Variants in SFI1 observed in about 807,000 individuals in gnomAD.
The protein encoded by SFI1 is protein SFI1 homolog.
Under a neutral mutation model 207.5 loss-of-function variants are expected in SFI1, and 195 were observed. That is an observed-to-expected ratio of 0.94 (90% CI 0.84 to 1.06). The LOEUF (loss-of-function observed/expected upper bound fraction) is 1.06. Ranked by LOEUF, SFI1 falls within the 50% of genes least tolerant of loss-of-function variation. The pLI is 0.00. For synonymous variants in SFI1, 630 were observed against 598.9 expected (o/e 1.05, Z -0.76); for missense variants, 1,634 against 1,588.0 (o/e 1.03, Z -0.49).
At chr22:31,594,422 C>T (rs1360578218) in intron 15 of SFI1, among the ~76,000 whole-genome samples, 1 of 151,652 alleles carries the variant, frequency 6.6e-6, no homozygotes, top group Admixed American at 6.6e-5. Flanking sequence ...GTGGCACATG[C>T]CTGTAATCCC....
chr22:31,502,529 A>G (rs1315767118), intron 1 of SFI1, among the ~76,000 whole-genome samples: 2 of 151,930 alleles, frequency 1.3e-5, no homozygotes, highest in African/African-American at 2.4e-5. Context: ...ACCTGCCACC[A>G]TGCCCGGCTA....
intron 1 of SFI1, among the ~76,000 whole-genome samples, chr22:31,497,056 T>G (rs974280537): frequency 2.0e-5 from 3 of 152,122 alleles, no homozygotes; most frequent in African/African-American, 7.2e-5. Context: ...GCGACCTTAC[T>G]CCCACTGAGC....
intron 1 of SFI1, among the ~76,000 whole-genome samples, chr22:31,501,755 G>T (rs755862482): frequency 2.0e-5 from 3 of 152,144 alleles, no homozygotes; most frequent in Non-Finnish European, 4.4e-5. Flanking sequence ...ATACATTTTT[G>T]ATTGTGTGGT....
At chr22:31,607,477 C>T (rs146720368) in intron 21 of SFI1, among the ~76,000 whole-genome samples, 4,548 of 151,836 alleles carry the variant, frequency 0.03, 146 homozygotes, top group Admixed American at 0.085. Context: ...GTGGTGCATG[C>T]CTGTAATCCC....
intron 3 of SFI1, among the ~76,000 whole-genome samples, chr22:31,530,036 G>A (rs1356664457): frequency 6.6e-6 from 1 of 150,664 alleles, no homozygotes; most frequent in East Asian, 2.0e-4. Context: ...TGGGCGTGGT[G>A]GCAGGTGCCT....
At chr22:31,542,166 C>T (rs1483966541) in intron 4 of SFI1, among the ~76,000 whole-genome samples, 5 of 150,686 alleles carry the variant, frequency 3.3e-5, no homozygotes, top group Non-Finnish European at 1.5e-5. Flanking sequence ...TCTCCCCCAC[C>T]CCCCGAGAGA....
chr22:31,599,764 C>T (rs1427130894), intron 15 of SFI1, among the ~76,000 whole-genome samples: 2 of 152,186 alleles, frequency 1.3e-5, no homozygotes, highest in African/African-American at 4.8e-5. Context: ...GCGTGAGCCA[C>T]CATGCCTGGC....
chr22:31,508,145 G>T, intron 1 of SFI1, 110 bp from the exon 2 acceptor site: 1 of 644,720 alleles, frequency 1.6e-6, no homozygotes, highest in South Asian at 1.8e-5. Flanking sequence ...CATTCATCTA[G>T]TGTTGAATTA....
In SFI1 at chr22:31,583,931, A is replaced by T. The variant is rs1261902918; in HGVS notation, c.1305A>T (p.Arg435Ser). The T allele has an allele frequency of 1.9e-6, 3 of 1,614,196 alleles. No homozygotes were observed. Among genetic ancestry groups the T allele is most frequent in the Non-Finnish European group, 1.7e-6 (2 of 1,180,034 alleles). ...WRSQIEQKKE[R>S]ELLPLLHAAW... ...CTCAGATTGAGCAGAAAAAGGAAAG[A>T]GAGCTGCTCCCCTTACTGCATGCTG... Residue 435 changes from arginine to serine, a missense_variant, in exon 13 of 33, where the codon AGA (arginine) becomes AGT (serine). Physicochemically the swap from Arg to Ser is moderately radical, Grantham distance 110. Coordinates refer to ENST00000400288, the MANE Select transcript of SFI1 (RefSeq NM_001007467.3).
intron 19 of SFI1, 131 bp from the exon 20 acceptor site, chr22:31,604,738 T>C (rs1392211132): frequency 1.7e-5 from 13 of 743,890 alleles, no homozygotes; most frequent in Non-Finnish European, 2.6e-5. Flanking sequence ...GACCAGGGGC[T>C]GTTGGCCTCT....
At chr22:31,583,183 G>A (rs1431968550) in intron 12 of SFI1, among the ~76,000 whole-genome samples, 4 of 152,072 alleles carry the variant, frequency 2.6e-5, no homozygotes, top group East Asian at 1.9e-4. Context: ...GTGCCATCTC[G>A]GCTCACTGCA....
chr22:31,604,187 T>C (rs2068574437), intron 18 of SFI1, 122 bp from the exon 19 acceptor site: 3 of 741,426 alleles, frequency 4.0e-6, no homozygotes, highest in East Asian at 2.7e-5. Context: ...CACGTATTTA[T>C]AGATGAGGCC....
At chr22:31,567,445 G>C (rs1449393840) in intron 8 of SFI1, among the ~76,000 whole-genome samples, 1 of 152,106 alleles carries the variant, frequency 6.6e-6, no homozygotes, top group Non-Finnish European at 1.5e-5. Context: ...AGAGCTGCTG[G>C]CTCTGAGCAG....
chr22:31,572,065 T>G (rs567082507), intron 8 of SFI1, among the ~76,000 whole-genome samples: 1 of 151,940 alleles, frequency 6.6e-6, no homozygotes, highest in Non-Finnish European at 1.5e-5. Flanking sequence ...GGGACTGACG[T>G]TGGTGGGAGC....
intron 1 of SFI1, among the ~76,000 whole-genome samples, chr22:31,502,825 A>G (rs1340529256): frequency 6.6e-6 from 1 of 151,966 alleles, no homozygotes; most frequent in Non-Finnish European, 1.5e-5. Context: ...TGTAACTGAG[A>G]GATTATGGCC....
At chr22:31,554,011 A>G (rs1022538207) in intron 6 of SFI1, among the ~76,000 whole-genome samples, 3 of 150,758 alleles carry the variant, frequency 2.0e-5, no homozygotes, top group Non-Finnish European at 3.0e-5. Context: ...TAAGTTTTTT[A>G]TATTTTACAG....
chr22:31,504,348 C>T (rs774044062), intron 1 of SFI1, among the ~76,000 whole-genome samples: 6 of 152,088 alleles, frequency 3.9e-5, no homozygotes, highest in South Asian at 2.1e-4. Context: ...ACTAGGACAT[C>T]GGTTTGATGT....
chr22:31,606,108 G>T, intron 20 of SFI1: 2 of 548,334 alleles, frequency 3.6e-6, no homozygotes, highest in Admixed American at 3.1e-5. Flanking sequence ...AGCAGTGCTG[G>T]GTCCCTCATG....
intron 15 of SFI1, among the ~76,000 whole-genome samples, chr22:31,590,946 T>C (rs1254830737): frequency 6.7e-6 from 1 of 148,168 alleles, no homozygotes; most frequent in Non-Finnish European, 1.5e-5. Context: ...TTCCAACTTT[T>C]TTCTTTTTAT....
Sources: allele counts gnomAD v4.1 joint callset (sites outside exome capture counted in the v4.1 genomes callset), GRCh38; gene constraint gnomAD v4.1.1; transcripts MANE v1.5; gene names NCBI Gene and HGNC (gene_info 2026-07-23, HGNC 2026-07-21).